Variants in CUL5 observed in about 807,000 individuals in gnomAD.
CUL5 encodes the protein cullin-5.
Under a neutral mutation model 108.8 loss-of-function variants are expected in CUL5, and 26 were observed. The observed-to-expected ratio is 0.24, with a 90% CI of 0.18 to 0.33. The LOEUF (loss-of-function observed/expected upper bound fraction) is 0.33, where lower values mean the gene tolerates loss of function less well. Among genes scored for constraint, CUL5 ranks in the 10% least tolerant of loss-of-function variants. The pLI is 1.00. For missense variants in CUL5, 524 were observed against 909.2 expected (o/e 0.58, Z 5.45); for synonymous variants, 334 against 298.0 (o/e 1.12, Z -1.25).
intron 1 of CUL5, among the ~76,000 whole-genome samples, chr11:108,027,084 A>T (rs1862469529): frequency 6.6e-6 from 1 of 151,640 alleles, no homozygotes; most frequent in South Asian, 2.1e-4. Flanking sequence ...AAAAATTGTG[A>T]AGGGTTGTCT....
intron 13 of CUL5, among the ~76,000 whole-genome samples, chr11:108,091,688 C>G (rs1864363261): frequency 8.2e-6 from 1 of 121,540 alleles, no homozygotes; most frequent in South Asian, 3.1e-4. Context: ...GATCCTGTCT[C>G]TCTCACTCAC....
At chr11:108,039,180 C>G (rs1367341254) in intron 2 of CUL5, among the ~76,000 whole-genome samples, 26 of 152,136 alleles carry the variant, frequency 1.7e-4, no homozygotes, top group Admixed American at 1.6e-3. Context: ...ACCACCACAC[C>G]TGGCTAATTT....
chr11:108,074,701 G>A (rs199979499), intron 10 of CUL5, among the ~76,000 whole-genome samples: 1 of 152,052 alleles, frequency 6.6e-6, no homozygotes, highest in East Asian at 1.9e-4. Flanking sequence ...AGCTACTTAG[G>A]AGACTGAGGC....
chr11:108,043,184 C>T (rs902481931), intron 2 of CUL5, among the ~76,000 whole-genome samples: 1 of 152,214 alleles, frequency 6.6e-6, no homozygotes, highest in Non-Finnish European at 1.5e-5. Context: ...GTGATCTTCC[C>T]TCAGCCTCCT....
chr11:108,032,926 A>G (rs1862630507), intron 1 of CUL5, among the ~76,000 whole-genome samples: 1 of 152,166 alleles, frequency 6.6e-6, no homozygotes, highest in African/African-American at 2.4e-5. Flanking sequence ...TAGGACAACT[A>G]CAAAATTAGA....
chr11:108,068,281 T>C (rs1473731020), intron 7 of CUL5, among the ~76,000 whole-genome samples: 1 of 152,180 alleles, frequency 6.6e-6, no homozygotes, highest in Non-Finnish European at 1.5e-5. Context: ...GTCATCAGCA[T>C]CATTCTTGTA....
intron 2 of CUL5, among the ~76,000 whole-genome samples, chr11:108,034,689 G>GTCC (rs993563115): frequency 3.9e-5 from 6 of 152,150 alleles, no homozygotes; most frequent in Admixed American, 2.6e-4. Context: ...AATCATTAAT[G>GTCC]TCCTCCTCCT....
chr11:108,075,799 C>T (rs1013748993), intron 10 of CUL5, among the ~76,000 whole-genome samples: 1 of 152,156 alleles, frequency 6.6e-6, no homozygotes, highest in Non-Finnish European at 1.5e-5. Context: ...GGATTATAGA[C>T]GTGAGCCACC....
At chr11:108,015,804 G>A (rs1403895667) in intron 1 of CUL5, among the ~76,000 whole-genome samples, 1 of 152,212 alleles carries the variant, frequency 6.6e-6, no homozygotes, top group African/African-American at 2.4e-5. Context: ...AAAGGAAGTG[G>A]CAGCTCAGGG....
chr11:108,042,216 T>A (rs1026485308), intron 2 of CUL5, among the ~76,000 whole-genome samples: 6 of 63,468 alleles, frequency 9.5e-5, no homozygotes, highest in African/African-American at 3.4e-4. Flanking sequence ...TCATCCACAA[T>A]TCTTTTTTTT....
intron 3 of CUL5, among the ~76,000 whole-genome samples, chr11:108,047,340 G>A (rs1426167794): frequency 2.6e-5 from 4 of 152,040 alleles, no homozygotes; most frequent in African/African-American, 9.7e-5. Flanking sequence ...AAACAAAAAG[G>A]TCTGGTCTGA....
Position 108,050,405 on chromosome 11 carries a change from C to T in CUL5, c.411+339C>T, listed in dbSNP as rs118043232. 6.1e-3 allele frequency among the ~76,000 whole-genome samples: 920 copies of T among 150,918 alleles called. 4 individuals carry two copies. Among genetic ancestry groups the T allele is most frequent in the Non-Finnish European group, 0.01 (706 of 67,882 alleles). ...TTTTTAAACTGGAGTGTCACTCTGTCGCCTAGGCTGGAGTGTGCAGTGGCG... is the reference window on the plus strand; with the variant it reads ...TTTTTAAACTGGAGTGTCACTCTGTTGCCTAGGCTGGAGTGTGCAGTGGCG... On this transcript the variant is annotated intron_variant, in intron 4 of 18. Coordinates refer to ENST00000393094, the MANE Select transcript of CUL5 (RefSeq NM_003478.6).
intron 1 of CUL5, among the ~76,000 whole-genome samples, chr11:108,015,529 G>A (rs1450922153): frequency 6.6e-6 from 1 of 152,202 alleles, no homozygotes; most frequent in African/African-American, 2.4e-5. Flanking sequence ...ATATCTAAGA[G>A]GGACATGGGC....
At position 108,089,673 on chromosome 11, in the gene CUL5, A is replaced by T; in HGVS notation, c.1443+50A>T. The T allele has an allele frequency of 3.0e-6, 3 of 1,005,284 alleles. No individual in the cohort carries two copies. In the Admixed American group the frequency reaches 8.8e-5, roughly 30 times the overall value. 62.3% of individuals were successfully genotyped at this position (1,005,284 alleles called of 1,614,324 possible). Reference sequence around the variant, plus strand: ...GGTTTTCTAATACATTACATCATTTATATGTGTGCTTAAGTAATACATTTT... The same window carrying T: ...GGTTTTCTAATACATTACATCATTTTTATGTGTGCTTAAGTAATACATTTT... On this transcript the variant is annotated intron_variant, in intron 13 of 18. Transcript: ENST00000393094.
intron 18 of CUL5, among the ~76,000 whole-genome samples, chr11:108,099,415 A>G (rs550482056): frequency 4.6e-5 from 7 of 152,334 alleles, no homozygotes; most frequent in East Asian, 1.9e-4. Context: ...ATAAAAACCA[A>G]TTGCATTTCT....
intron 11 of CUL5, among the ~76,000 whole-genome samples, chr11:108,086,693 G>A (rs1239784846): frequency 2.6e-5 from 4 of 152,166 alleles, no homozygotes; most frequent in Non-Finnish European, 5.9e-5. Flanking sequence ...ACCCTGTGAT[G>A]GAAGTATCAC....
intron 12 of CUL5, 50 bp downstream of exon 12, chr11:108,088,709 T>G (rs768247635): frequency 1.4e-6 from 2 of 1,460,092 alleles, no homozygotes; most frequent in Non-Finnish European, 1.9e-6. Flanking sequence ...TACTTTGAAT[T>G]TGTGTTTTGC....
chr11:108,083,205 T>C (rs1407698503), intron 11 of CUL5, among the ~76,000 whole-genome samples: 1 of 152,186 alleles, frequency 6.6e-6, no homozygotes, highest in Non-Finnish European at 1.5e-5. Context: ...TCTTAGTCTT[T>C]TGCCATTATA....
chr11:108,084,048 G>T (rs948920582), intron 11 of CUL5, among the ~76,000 whole-genome samples: 2 of 152,098 alleles, frequency 1.3e-5, no homozygotes, highest in African/African-American at 4.8e-5. Flanking sequence ...TATGGCCCAA[G>T]ACAGTCCTTC....
Sources: gnomAD v4.1 joint callset for allele counts (sites outside exome capture counted in the v4.1 genomes callset) on GRCh38, gnomAD v4.1.1 for gene constraint, MANE v1.5 for transcripts, NCBI Gene and HGNC (gene_info 2026-07-23, HGNC 2026-07-21) for gene names.